CD9: variants seen among roughly 807,000 people sequenced by gnomAD.
The protein encoded by CD9 is CD9 molecule, also known as CD9 antigen.
A neutral mutation model predicts 31.4 loss-of-function variants in CD9; 10 were observed. That is an observed-to-expected ratio of 0.32 (90% CI 0.20 to 0.54). The LOEUF (loss-of-function observed/expected upper bound fraction) is 0.54, where lower values mean the gene tolerates loss of function less well. CD9 is among the 20% of genes least tolerant of loss of function. The probability of loss-of-function intolerance (pLI) is 0.94; values close to 1 mark genes in which losing one functional copy is unlikely to be tolerated. For missense variants in CD9, 259 were observed against 300.1 expected (o/e 0.86, Z 1.01); for synonymous variants, 113 against 114.1 (o/e 0.99, Z 0.06).
chr12:6,221,156 A>G (rs1413002698), intron 1 of CD9, among the ~76,000 whole-genome samples: 3 of 152,232 alleles, frequency 2.0e-5, no homozygotes, highest in African/African-American at 4.8e-5. Context: ...CAGTAAAACA[A>G]TGGGAAAAAA....
chr12:6,222,070 C>A (rs1417943987), intron 1 of CD9, among the ~76,000 whole-genome samples: 1 of 152,154 alleles, frequency 6.6e-6, no homozygotes, highest in Non-Finnish European at 1.5e-5. Flanking sequence ...AAAGTGAGTT[C>A]TCCTAGAAAA....
At chr12:6,205,880 CTG>C (rs904054826) in intron 1 of CD9, 1 of 152,174 alleles carries the variant, frequency 6.6e-6, no homozygotes, top group Non-Finnish European at 1.5e-5. Flanking sequence ...CTAGACAGAC[CTG>C]TGTGGAGCTG....
At chr12:6,221,206 A>AT (rs1053348999) in intron 1 of CD9, among the ~76,000 whole-genome samples, 2 of 152,148 alleles carry the variant, frequency 1.3e-5, no homozygotes, top group Non-Finnish European at 2.9e-5. Context: ...GGATGGAACC[A>AT]TTTTTTGGCC....
At chr12:6,225,200 C>T in intron 1 of CD9, 1 of 552,514 alleles carries the variant, frequency 1.8e-6, no homozygotes, top group Non-Finnish European at 3.2e-6. Context: ...ACCCCTTCAG[C>T]CAATGGGCGG....
intron 4 of CD9, among the ~76,000 whole-genome samples, 154 bp downstream of exon 4, chr12:6,233,640 C>T (rs1433047623): frequency 1.3e-5 from 2 of 152,146 alleles, no homozygotes; most frequent in Non-Finnish European, 2.9e-5. Flanking sequence ...CGAATGTGCC[C>T]TCCTCGGGGC....
At chr12:6,225,240 C>A in intron 1 of CD9, 186 bp from the exon 2 acceptor site, 7 of 578,248 alleles carry the variant, frequency 1.2e-5, no homozygotes, top group Non-Finnish European at 2.2e-5. Context: ...TCCTCGCTTG[C>A]TGGTATTTTT....
At chr12:6,206,284 A>T (rs1946131415) in intron 1 of CD9, among the ~76,000 whole-genome samples, 1 of 151,444 alleles carries the variant, frequency 6.6e-6, no homozygotes, top group African/African-American at 2.4e-5. Context: ...GTTAACAATC[A>T]TGGCTCATGG....
chr12:6,218,167 G>A (rs11568224), intron 1 of CD9, among the ~76,000 whole-genome samples: 28 of 152,162 alleles, frequency 1.8e-4, no homozygotes, highest in African/African-American at 6.0e-4. Flanking sequence ...GGTCGAGGCT[G>A]CAGTGAGCCA....
intron 1 of CD9, among the ~76,000 whole-genome samples, chr12:6,216,601 AAC>A (rs1310477615): frequency 6.6e-6 from 1 of 152,208 alleles, no homozygotes; most frequent in African/African-American, 2.4e-5. Flanking sequence ...AATCTGAGCC[AAC>A]AGTCTCCCTT....
intron 7 of CD9, among the ~76,000 whole-genome samples, chr12:6,237,069 C>T (rs1369298904): frequency 1.3e-5 from 2 of 152,092 alleles, no homozygotes; most frequent in African/African-American, 4.8e-5. Context: ...ACCTCCGCCT[C>T]TCTGGGTTCA....
rs1408965472 is a variant in CD9, at chr12:6,200,659, C to T, written c.66+94C>T. The T allele has an allele frequency of 4.0e-5, 32 of 798,582 alleles. No individual in the cohort carries two copies. The East Asian group carries it at 8.5e-4, about 21-fold the overall frequency. 49.5% of individuals were successfully genotyped at this position (798,582 alleles called of 1,614,324 possible). On this transcript the variant is annotated intron_variant, in intron 1 of 7. Transcript: ENST00000009180. ...CGGCCGCGAGTGCCGGCAGCTGGCACTGCCCGCACCGGGCAGGCACCGGGC... is the reference window on the plus strand; with the variant it reads ...CGGCCGCGAGTGCCGGCAGCTGGCATTGCCCGCACCGGGCAGGCACCGGGC...
chr12:6,209,940 C>T (rs1425354263), intron 1 of CD9, among the ~76,000 whole-genome samples: 1 of 152,208 alleles, frequency 6.6e-6, no homozygotes, highest in Non-Finnish European at 1.5e-5. Context: ...CCACCTCGGC[C>T]TTCCAAAGTG....
At chr12:6,236,164 G>A (rs1030789827) in intron 6 of CD9, 28 bp from the exon 7 acceptor site, 3 of 1,613,558 alleles carry the variant, frequency 1.9e-6, no homozygotes, top group Middle Eastern at 1.6e-4. Flanking sequence ...GATTGTGTGT[G>A]ACCCAGGTCT....
chr12:6,220,174 A>G (rs372693807), intron 1 of CD9, among the ~76,000 whole-genome samples: 1 of 152,134 alleles, frequency 6.6e-6, no homozygotes, highest in Admixed American at 6.6e-5. Flanking sequence ...TGCCATTTGC[A>G]TGGGAGGAAT....
At chr12:6,216,621 C>T (rs1946245204) in intron 1 of CD9, among the ~76,000 whole-genome samples, 1 of 152,184 alleles carries the variant, frequency 6.6e-6, no homozygotes, top group African/African-American at 2.4e-5. Context: ...CTTTAGCCTT[C>T]CTTCCCCACT....
intron 6 of CD9, chr12:6,235,903 G>T: frequency 7.3e-7 from 1 of 1,377,078 alleles, no homozygotes; most frequent in East Asian, 2.7e-5. Flanking sequence ...TCCAACTCCA[G>T]AATAGTAAAA....
chr12:6,207,962 C>T (rs542618027), intron 1 of CD9, among the ~76,000 whole-genome samples: 3 of 152,268 alleles, frequency 2.0e-5, no homozygotes, highest in South Asian at 4.1e-4. Flanking sequence ...CGGTGGCTCA[C>T]GCCTATAATC....
chr12:6,237,188 TG>T (rs1196121063), intron 7 of CD9, among the ~76,000 whole-genome samples: 1 of 152,112 alleles, frequency 6.6e-6, no homozygotes, highest in African/African-American at 2.4e-5. Flanking sequence ...TTGGTCAGGC[TG>T]GTCTCGAACT....
chr12:6,235,129 G>A, intron 4 of CD9, 100 bp from the exon 5 acceptor site: 1 of 875,770 alleles, frequency 1.1e-6, no homozygotes. Context: ...GCATCTGGTG[G>A]CTGAGAGCTT....
Sources: allele counts gnomAD v4.1 joint callset (sites outside exome capture counted in the v4.1 genomes callset), GRCh38; gene constraint gnomAD v4.1.1; transcripts MANE v1.5; gene names NCBI Gene and HGNC (gene_info 2026-07-23, HGNC 2026-07-21).